The following ZNF431 variants were observed in gnomAD, a reference collection of about 807,000 sequenced individuals.
The protein encoded by ZNF431 is zinc finger protein 431.
In ZNF431, 34 loss-of-function variants were observed where a neutral mutation model predicts 57.0. That is an observed-to-expected ratio of 0.60 (90% CI 0.45 to 0.79). ZNF431 has a LOEUF of 0.79. Among genes scored for constraint, ZNF431 ranks in the 30% least tolerant of loss-of-function variants. The pLI is 0.00. For synonymous variants in ZNF431, 207 were observed against 220.3 expected (o/e 0.94, Z 0.54); for missense variants, 607 against 667.1 (o/e 0.91, Z 0.99).
intron 4 of ZNF431, among the ~76,000 whole-genome samples, chr19:21,171,038 T>A (rs1970872732): frequency 6.6e-6 from 1 of 152,264 alleles, no homozygotes; most frequent in Admixed American, 6.5e-5. Context: ...TTGCAAAATA[T>A]ACGTTTAAAT....
chr19:21,147,420 G>T (rs1275197916), intron 2 of ZNF431, among the ~76,000 whole-genome samples: 1 of 152,040 alleles, frequency 6.6e-6, no homozygotes, highest in Admixed American at 6.6e-5. Context: ...AACCTGGGAG[G>T]CAGAGGTTGC....
intron 4 of ZNF431, among the ~76,000 whole-genome samples, chr19:21,178,906 C>A (rs1189766153): frequency 1.3e-5 from 2 of 151,952 alleles, no homozygotes; most frequent in African/African-American, 4.8e-5. Flanking sequence ...TAAGGAGAGG[C>A]CCCTCCTTTT....
At chr19:21,166,591 G>C in intron 3 of ZNF431, 130 bp downstream of exon 3, 1 of 1,128,370 alleles carries the variant, frequency 8.9e-7, no homozygotes, top group Non-Finnish European at 1.2e-6. Flanking sequence ...AGAAAATCTT[G>C]ATGATTTGTC....
At chr19:21,156,979 T>C (rs1438774583) in intron 2 of ZNF431, among the ~76,000 whole-genome samples, 3 of 152,170 alleles carry the variant, frequency 2.0e-5, no homozygotes, top group Admixed American at 2.0e-4. Flanking sequence ...AGTTTTGCCA[T>C]GTTGCCCAGG....
chr19:21,150,308 T>G (rs995163414), intron 2 of ZNF431: 2 of 446,626 alleles, frequency 4.5e-6, no homozygotes, highest in African/African-American at 4.1e-5. Flanking sequence ...GGGCTGGATG[T>G]CCTGCCCAGT....
At position 21,142,067 on chromosome 19, in the gene ZNF431, T is replaced by A; in HGVS notation, c.-117T>A. On this transcript the variant is annotated 5_prime_UTR_variant, in exon 1 of 5. Transcript: ENST00000311048. ...CTCTCGCCGCAGCCTGAGCTCCAGGTCTCCCCTTCGCTGCTCTGTGTCCTC... is the reference window on the plus strand; with the variant it reads ...CTCTCGCCGCAGCCTGAGCTCCAGGACTCCCCTTCGCTGCTCTGTGTCCTC... The A allele has an allele frequency of 3.6e-6, 5 of 1,371,260 alleles. No homozygotes were observed. The highest frequency in any genetic ancestry group is 4.1e-6 in the Non-Finnish European group (4 of 973,340). The allele number at this position is 1,371,260 out of a possible 1,614,324, so 84.9% of individuals were successfully genotyped here.
intron 4 of ZNF431, among the ~76,000 whole-genome samples, chr19:21,177,239 C>G (rs1194629669): frequency 1.3e-5 from 2 of 152,138 alleles, no homozygotes; most frequent in African/African-American, 4.8e-5. Context: ...TTTCAATTTT[C>G]TGCATATGGC....
At chr19:21,176,189 C>A (rs571320125) in intron 4 of ZNF431, among the ~76,000 whole-genome samples, 15 of 151,392 alleles carry the variant, frequency 9.9e-5, no homozygotes, top group Middle Eastern at 3.2e-3. Context: ...ATGTTGAGCT[C>A]CACATAAATG....
chr19:21,153,254 T>G (rs538904060), intron 2 of ZNF431, among the ~76,000 whole-genome samples: 6 of 152,208 alleles, frequency 3.9e-5, no homozygotes, highest in Non-Finnish European at 8.8e-5. Context: ...CAGGTCTTTA[T>G]GACCTGTATC....
intron 2 of ZNF431, among the ~76,000 whole-genome samples, chr19:21,147,420 G>A (rs1275197916): frequency 6.6e-6 from 1 of 152,040 alleles, no homozygotes; most frequent in Non-Finnish European, 1.5e-5. Context: ...AACCTGGGAG[G>A]CAGAGGTTGC....
rs910413110 is a variant in ZNF431 at position 21,169,870 on chromosome 19, A to G, written c.319+2204A>G. On this transcript the variant is annotated intron_variant, in intron 4 of 4. Transcript: ENST00000311048. ...GTCAATAAACTGCTTCAGGGACCAC[A>G]GTAAAAACCAAGGTCTGTAAACCTG... 1.8e-5 allele frequency: 7 copies of G among 398,510 alleles called. No individual in the cohort carries two copies. The South Asian group carries it at 5.1e-4, about 29-fold the overall frequency. 24.7% of individuals were successfully genotyped at this position (398,510 alleles called of 1,614,324 possible).
chr19:21,194,221 A>G lies in ZNF431; in HGVS notation c.*10187A>G, dbSNP rs1252221515. The G allele has an allele frequency of 6.6e-6, 1 of 152,212 alleles. No individual in the cohort carries two copies. The highest frequency in any genetic ancestry group is 2.4e-5 in the African/African-American group (1 of 41,456). The allele number at this position is 152,212 out of a possible 1,614,324, so 9.4% of individuals were successfully genotyped here. On this transcript the variant is annotated 3_prime_UTR_variant, in exon 5 of 5. Transcript: ENST00000311048. The stretch of plus-strand genomic sequence containing the variant: ...CATTGCCTTACACCAATAACATTCA[A>G]GCTGAGAACAAAATCAAGAACAGTT...
chr19:21,145,394 A>G (rs1384965295), intron 2 of ZNF431, among the ~76,000 whole-genome samples: 1 of 152,160 alleles, frequency 6.6e-6, no homozygotes, highest in African/African-American at 2.4e-5. Flanking sequence ...GGAGAATGGC[A>G]TGAACCCGAG....
rs766089089 is a variant in ZNF431, at chr19:21,183,918, C to T, written c.1615C>T (p.Pro539Ser). Residue 539 changes from proline to serine, a missense_variant, in exon 5 of 5, where the codon CCC becomes TCC. Coordinates refer to ENST00000311048, the MANE Select transcript of ZNF431 (RefSeq NM_133473.4). ...KHRKIHTRQK[P>S]YNCEECDNTF... ...TAGGAAAATTCATACTAGACAGAAA[C>T]CCTACAACTGTGAAGAATGTGACAA... The T allele has an allele frequency of 6.2e-7, 1 of 1,613,654 alleles. No individual in the cohort carries two copies. The highest frequency in any genetic ancestry group is 8.5e-7 in the Non-Finnish European group (1 of 1,179,798).
intron 2 of ZNF431, among the ~76,000 whole-genome samples, chr19:21,158,255 T>C (rs1568301176): frequency 6.6e-6 from 1 of 152,086 alleles, no homozygotes; most frequent in African/African-American, 2.4e-5. Flanking sequence ...TGGAGTGCAA[T>C]GGTGCGATCT....
chr19:21,183,136 A>G lies in ZNF431; in HGVS notation c.833A>G (p.His278Arg), dbSNP rs1466996599. 10 of 1,613,944 alleles carry G rather than the reference A, an allele frequency of 6.2e-6. No individual in the cohort carries two copies. The highest frequency in any genetic ancestry group is 8.5e-6 in the Non-Finnish European group (10 of 1,179,974). ...AAGCAGTCCTCAACCCTTACTACAC[A>G]TAAGATAATTCATACTGGGGAGAAA... Reference protein sequence around the residue: ...AFKQSSTLTTHKIIHTGEKPY... With the variant: ...AFKQSSTLTTRKIIHTGEKPY... Residue 278 changes from histidine (H) to arginine (R), a missense_variant, in exon 5 of 5, where the codon CAT becomes CGT. By Grantham distance (29) the His-to-Arg change is conservative. Transcript: ENST00000311048.
intron 4 of ZNF431, among the ~76,000 whole-genome samples, chr19:21,168,763 T>A (rs1488058476): frequency 2.0e-5 from 3 of 152,198 alleles, no homozygotes; most frequent in Admixed American, 2.0e-4. Context: ...GTTATATTTG[T>A]TCTCAGAAAT....
chr19:21,167,653 G>T lies in ZNF431; in HGVS notation c.306G>T (p.Val102=). The T allele has an allele frequency of 6.3e-7, 1 of 1,575,392 alleles. No homozygotes were observed. The highest frequency in any genetic ancestry group is 8.6e-7 in the Non-Finnish European group (1 of 1,159,076). ...EPWNMKRHEM[V]DEPPAMCSYF... ...GGAATATGAAGAGACATGAGATGGTGGATGAACCCCCAGGTAGGTGAGAGT... is the reference window on the plus strand; with the variant it reads ...GGAATATGAAGAGACATGAGATGGTTGATGAACCCCCAGGTAGGTGAGAGT... Residue 102 remains valine, a synonymous_variant, in exon 4 of 5, where the codon GTG becomes GTT. Transcript: ENST00000311048.
At chr19:21,176,624 A>G (rs1449362963) in intron 4 of ZNF431, among the ~76,000 whole-genome samples, 2 of 152,208 alleles carry the variant, frequency 1.3e-5, no homozygotes, top group African/African-American at 2.4e-5. Flanking sequence ...AACCTTAGTC[A>G]GATGGATAGA....
Sources: allele counts gnomAD v4.1 joint callset (sites outside exome capture counted in the v4.1 genomes callset), GRCh38; gene constraint gnomAD v4.1.1; transcripts MANE v1.5; gene names NCBI Gene and HGNC (gene_info 2026-07-23, HGNC 2026-07-21).